CCNJL: variants seen among roughly 807,000 people sequenced by gnomAD.
The protein encoded by CCNJL is cyclin J like.
A neutral mutation model predicts 33.4 loss-of-function variants in CCNJL; 33 were observed. The observed-to-expected ratio is 0.99, with a 90% CI of 0.75 to 1.32. The LOEUF (loss-of-function observed/expected upper bound fraction) is 1.32, where lower values mean the gene tolerates loss of function less well. Among genes scored for constraint, CCNJL ranks in the 40% most tolerant of loss-of-function variants. CCNJL has a pLI of 0.00. For synonymous variants in CCNJL, 227 were observed against 220.9 expected (o/e 1.03, Z -0.24); for missense variants, 512 against 499.7 (o/e 1.02, Z -0.23).
chr5:160,307,685 G>A (rs945831002), intron 2 of CCNJL, among the ~76,000 whole-genome samples: 3 of 152,106 alleles, frequency 2.0e-5, no homozygotes, highest in Non-Finnish European at 4.4e-5. Flanking sequence ...GGCACACGTA[G>A]CAGGCAAGAA....
chr5:160,255,364 G>T, intron 5 of CCNJL, 185 bp downstream of exon 5: 1 of 539,732 alleles, frequency 1.9e-6, no homozygotes, highest in South Asian at 3.7e-5. Context: ...TTCAAAATAG[G>T]AAGAACTGGT....
intron 3 of CCNJL, chr5:160,261,209 G>C (rs1378939359): frequency 6.6e-6 from 1 of 152,168 alleles, no homozygotes; most frequent in Non-Finnish European, 1.5e-5. Context: ...CTCAAAAGAC[G>C]TCACTGCAGA....
In CCNJL at chr5:160,280,672, T is replaced by A. The variant is rs184397934; in HGVS notation, c.133A>T (p.Ile45Phe). ...CAGTGGCTGCTCAGCAGGGTCAGGA[T>A]GTCCACGAAGAACCGGCGGCTCTTC... Reference protein sequence around the residue: ...LLKSRRFFVDILTLLSSHCQL... With the variant: ...LLKSRRFFVDFLTLLSSHCQL... The change falls in exon 3 of 6, where the codon ATC becomes TTC. Residue 45 changes from isoleucine (I) to phenylalanine (F), a missense_variant. Ile to Phe is a conservative substitution (Grantham distance 21). Transcript: ENST00000257536. 3,332 of 1,613,446 alleles carry A rather than the reference T, an allele frequency of 2.1e-3. 11 individuals are homozygous for A. Among genetic ancestry groups the A allele is most frequent in the Non-Finnish European group, 2.6e-3 (3,114 of 1,179,890 alleles).
Position 160,255,591 on chromosome 5 carries a change from T to G in CCNJL, c.701A>C (p.Tyr234Ser). ...WTRDLQRISS[Y>S]SLEHLSTCIE... ...ACACGTGCTGAGGTGCTCCAGGGAATAGCTTGAGATCCTCTGCAGGTCTCT... is the reference window on the plus strand; with the variant it reads ...ACACGTGCTGAGGTGCTCCAGGGAAGAGCTTGAGATCCTCTGCAGGTCTCT... Residue 234 changes from tyrosine to serine, a missense_variant, in exon 5 of 6, where the codon TAT becomes TCT. Physicochemically the swap from Tyr to Ser is moderately radical, Grantham distance 144. Coordinates refer to ENST00000257536, the MANE Select transcript of CCNJL (RefSeq NM_001308173.3). 1 of 1,614,166 alleles carries G rather than the reference T, an allele frequency of 6.2e-7. No individual in the cohort carries two copies. Among genetic ancestry groups the G allele is most frequent in the Non-Finnish European group, 8.5e-7 (1 of 1,180,000 alleles).
Position 160,318,148 on chromosome 5 carries a change from C to T in CCNJL, n.207-2643G>A, listed in dbSNP as rs182525081. 3.9e-3 allele frequency among the ~76,000 whole-genome samples: 593 copies of T among 152,258 alleles called. 1 individual carries two copies. Among genetic ancestry groups the T allele is most frequent in the Admixed American group, 8.8e-3 (134 of 15,300 alleles). On this transcript the variant is annotated intron_variant and non_coding_transcript_variant, in intron 1 of 7. Transcript: ENST00000377503. ...TCTCCTGCCTCAGCCTCCCCAGTAG[C>T]TGGGATTACAGGCACGCACCACCAT...
chr5:160,270,678 A>G (rs546157614), intron 3 of CCNJL, among the ~76,000 whole-genome samples: 1 of 152,332 alleles, frequency 6.6e-6, no homozygotes, highest in African/African-American at 2.4e-5. Flanking sequence ...GATTATAGAA[A>G]AGAGAAATGT....
chr5:160,257,993 C>A (rs973139621), intron 4 of CCNJL, among the ~76,000 whole-genome samples: 1 of 151,748 alleles, frequency 6.6e-6, no homozygotes, highest in African/African-American at 2.4e-5. Flanking sequence ...ACTATAGGCG[C>A]CCACCACCAC....
upstream of CCNJL, among the ~76,000 whole-genome samples, chr5:160,314,184 CA>C (rs562724020): frequency 3.0e-3 from 451 of 152,112 alleles, 6 homozygotes; most frequent in African/African-American, 0.01. Flanking sequence ...AACAAACGAA[CA>C]AAAAAACTGG....
At chr5:160,304,533 T>C (rs928831457) in intron 2 of CCNJL, among the ~76,000 whole-genome samples, 1 of 150,828 alleles carries the variant, frequency 6.6e-6, no homozygotes, top group Non-Finnish European at 1.5e-5. Context: ...AAACATAAGA[T>C]AGCCCTGCCA....
chr5:160,282,986 T>TATATATATATATATATATATATATATAC (rs1762278581), intron 2 of CCNJL, among the ~76,000 whole-genome samples: 1 of 57,904 alleles, frequency 1.7e-5, no homozygotes, highest in Non-Finnish European at 3.2e-5. Context: ...TATATATATA[T>TATATATATATATATATATATATATATAC]ATATATATAT....
chr5:160,251,247 G>T lies in CCNJL; in HGVS notation c.*2131C>A. ...CTGCTAACACAGAAATCATGCCTGAGTTTCCAGCCTGTGGGCCTGCCCTAC... is the reference window on the plus strand; with the variant it reads ...CTGCTAACACAGAAATCATGCCTGATTTTCCAGCCTGTGGGCCTGCCCTAC... On this transcript the variant is annotated 3_prime_UTR_variant, in exon 6 of 6. Transcript: ENST00000257536. The T allele has an allele frequency of 6.6e-6, 1 of 152,224 alleles. No individual in the cohort carries two copies. Among genetic ancestry groups the T allele is most frequent in the Non-Finnish European group, 1.5e-5 (1 of 68,046 alleles). The allele number at this position is 152,224 out of a possible 1,614,324, so 9.4% of individuals were successfully genotyped here.
At chr5:160,323,160 G>A (rs185143434) in intron 1 of CCNJL, among the ~76,000 whole-genome samples, 303 of 151,768 alleles carry the variant, frequency 2.0e-3, no homozygotes, top group South Asian at 0.016. Flanking sequence ...GCTTGAACCC[G>A]GGAGGCGGAG....
At chr5:160,283,012 T>TATATATATATATATAC (rs1762289304) in intron 2 of CCNJL, among the ~76,000 whole-genome samples, 1 of 82,192 alleles carries the variant, frequency 1.2e-5, no homozygotes, top group South Asian at 4.2e-4. Flanking sequence ...TATATATACA[T>TATATATATATATATAC]ATATATATAT....
At chr5:160,331,529 C>T (rs1763608244) in intron 1 of CCNJL, among the ~76,000 whole-genome samples, 1 of 152,108 alleles carries the variant, frequency 6.6e-6, no homozygotes. Context: ...CAGCCCGAAG[C>T]CCTGGATCTT....
chr5:160,337,921 C>T (rs1763703239), intron 1 of CCNJL, among the ~76,000 whole-genome samples: 1 of 152,148 alleles, frequency 6.6e-6, no homozygotes, highest in Non-Finnish European at 1.5e-5. Flanking sequence ...GCAAACACCC[C>T]TCACCTCCGT....
At chr5:160,285,433 G>A (rs1203490045) in intron 2 of CCNJL, among the ~76,000 whole-genome samples, 3 of 152,090 alleles carry the variant, frequency 2.0e-5, no homozygotes, top group East Asian at 1.9e-4. Context: ...AGACAGAAGG[G>A]GTGGGGAGGG....
intron 2 of CCNJL, among the ~76,000 whole-genome samples, chr5:160,302,306 T>C (rs1198827054): frequency 6.6e-6 from 1 of 152,158 alleles, no homozygotes; most frequent in Non-Finnish European, 1.5e-5. Flanking sequence ...AAAAAAGTTA[T>C]GAAACTGTGA....
chr5:160,282,823 A>G (rs1762258308), intron 2 of CCNJL, among the ~76,000 whole-genome samples: 1 of 151,384 alleles, frequency 6.6e-6, no homozygotes, highest in African/African-American at 2.4e-5. Flanking sequence ...TGTATATACA[A>G]GTGCTGGATA....
At position 160,253,460 on chromosome 5, in the gene CCNJL, G is replaced by T. The variant is rs1760899724; in HGVS notation, c.1082C>A (p.Pro361His). 1 of 1,613,410 alleles carries T rather than the reference G, an allele frequency of 6.2e-7. No homozygotes were observed. The highest frequency in any genetic ancestry group is 1.7e-5 in the Admixed American group (1 of 59,930). The change falls in exon 6 of 6, where the codon CCC (proline) becomes CAC (histidine). Residue 361 changes from proline (P) to histidine (H), a missense_variant. Transcript: ENST00000257536. Reference protein sequence around the residue: ...LSMHMAIAAEPRHCLATTYGS... With the variant: ...LSMHMAIAAEHRHCLATTYGS... Reference sequence around the variant, plus strand: ...ATAGGTGGTGGCGAGGCAGTGCCTGGGCTCAGCTGCAATGGCCATATGCAT... The same window carrying T: ...ATAGGTGGTGGCGAGGCAGTGCCTGTGCTCAGCTGCAATGGCCATATGCAT...
Sources: allele counts gnomAD v4.1 joint callset (sites outside exome capture counted in the v4.1 genomes callset), GRCh38; gene constraint gnomAD v4.1.1; transcripts MANE v1.5; gene names NCBI Gene and HGNC (gene_info 2026-07-23, HGNC 2026-07-21).